TENM1: variants seen among roughly 807,000 people sequenced by gnomAD.
TENM1 encodes teneurin transmembrane protein 1, also known as teneurin-1.
Under a neutral mutation model 174.8 loss-of-function variants are expected in TENM1, and 35 were observed. The ratio of observed to expected loss-of-function variants is 0.20; its 90% CI spans 0.15 to 0.27. TENM1 has a LOEUF of 0.27. Ranked by LOEUF, TENM1 falls within the 10% of genes least tolerant of loss-of-function variation. TENM1 has a pLI of 1.00. For missense variants in TENM1, 1,633 were observed against 2,130.1 expected (o/e 0.77, Z 4.59); for synonymous variants, 781 against 798.7 (o/e 0.98, Z 0.37).
chrX:124,482,958 T>C (rs1453079169), intron 21 of TENM1, among the ~76,000 whole-genome samples: 3 of 112,357 alleles, frequency 2.7e-5, no homozygotes, highest in Non-Finnish European at 5.6e-5. Context: ...AAACTAACTT[T>C]CAGAAACATT....
the TENM1 span, among the ~76,000 whole-genome samples, chrX:125,046,954 A>G: frequency 2.7e-5 from 3 of 109,947 alleles, no homozygotes; most frequent in Admixed American, 3.0e-4. Context: ...CCCAAGCACC[A>G]TTTAATAGAA....
intron 5 of TENM1, among the ~76,000 whole-genome samples, chrX:124,702,522 T>C (rs73545948): frequency 0.024 from 2,708 of 112,505 alleles, 83 homozygotes; most frequent in African/African-American, 0.084. Flanking sequence ...CCAATCTTAG[T>C]GGCACTCACC....
intron 4 of TENM1, among the ~76,000 whole-genome samples, chrX:124,729,678 A>G (rs1457463119): frequency 3.6e-5 from 4 of 112,219 alleles, no homozygotes; most frequent in African/African-American, 9.7e-5. Flanking sequence ...CCAATCCCCA[A>G]TGTACTGGGT....
intron 1 of TENM1, among the ~76,000 whole-genome samples, chrX:124,900,947 A>T (rs889034657): frequency 9.1e-6 from 1 of 109,943 alleles, no homozygotes; most frequent in Non-Finnish European, 1.9e-5. Context: ...GCCTGCCACC[A>T]TGCCCAGCTA....
intron 11 of TENM1, among the ~76,000 whole-genome samples, chrX:124,587,613 C>A (rs1420942608): frequency 9.0e-5 from 10 of 111,061 alleles, no homozygotes; most frequent in Non-Finnish European, 1.7e-4. Context: ...CATTACCATT[C>A]AGGACATAGG....
chrX:124,794,880 C>T (rs992334985), intron 3 of TENM1, among the ~76,000 whole-genome samples: 2 of 111,143 alleles, frequency 1.8e-5, no homozygotes, highest in African/African-American at 6.5e-5. Context: ...CATCTTCTTC[C>T]ACCACAGGCC....
chrX:124,504,578 C>G (rs776755952), intron 18 of TENM1, among the ~76,000 whole-genome samples: 2 of 111,583 alleles, frequency 1.8e-5, no homozygotes, highest in African/African-American at 6.5e-5. Context: ...TCATAATGTT[C>G]TAAGCCTGAG....
chrX:124,709,394 G>A (rs755444209), intron 4 of TENM1, among the ~76,000 whole-genome samples: 15 of 110,540 alleles, frequency 1.4e-4, no homozygotes, highest in Non-Finnish European at 2.6e-4. Context: ...GGCCTGTTGA[G>A]GCATAGAATA....
intron 3 of TENM1, among the ~76,000 whole-genome samples, chrX:124,761,400 G>A (rs2054410459): frequency 9.1e-6 from 1 of 109,332 alleles, no homozygotes; most frequent in Non-Finnish European, 1.9e-5. Flanking sequence ...GTAGGGACAT[G>A]GATGAAGCTG....
chrX:124,469,380 A>AC (rs2061275519), intron 22 of TENM1, among the ~76,000 whole-genome samples: 1 of 111,708 alleles, frequency 9.0e-6, no homozygotes, highest in African/African-American at 3.3e-5. Context: ...TCCTCTATAA[A>AC]CCCATAATGA....
chrX:124,473,651 G>A (rs2061358760), intron 22 of TENM1, among the ~76,000 whole-genome samples: 1 of 111,022 alleles, frequency 9.0e-6, no homozygotes, highest in Admixed American at 9.6e-5. Flanking sequence ...GCTACCTTCA[G>A]TGGTTCCCAC....
chrX:125,193,930 A>G, the TENM1 span, among the ~76,000 whole-genome samples: 2 of 110,596 alleles, frequency 1.8e-5, no homozygotes, highest in African/African-American at 6.6e-5. Context: ...GACTAAAGAG[A>G]TGTACCACCA....
intron 3 of TENM1, among the ~76,000 whole-genome samples, chrX:124,790,392 T>C (rs2055152496): frequency 8.9e-6 from 1 of 112,514 alleles, no homozygotes; most frequent in Middle Eastern, 4.6e-3. Context: ...ATTCTCCTAC[T>C]TTTTCTAACA....
intron 11 of TENM1, among the ~76,000 whole-genome samples, chrX:124,638,879 C>T (rs1244137099): frequency 9.0e-6 from 1 of 111,354 alleles, no homozygotes; most frequent in Non-Finnish European, 1.9e-5. Flanking sequence ...TCATCCAAAG[C>T]AGTTACCCTG....
intron 23 of TENM1, among the ~76,000 whole-genome samples, chrX:124,444,548 G>A (rs991381302): frequency 7.2e-5 from 8 of 111,841 alleles, no homozygotes; most frequent in Admixed American, 5.7e-4. Context: ...AATAAAGAAG[G>A]TTCTGGGACA....
chrX:124,394,210 C>A lies in TENM1; in HGVS notation c.5392-1862G>T, dbSNP rs1260360487. 6.3e-5 allele frequency among the ~76,000 whole-genome samples: 7 copies of A among 111,884 alleles called. No individual in the cohort carries two copies. The Admixed American group carries it at 6.6e-4, about 11-fold the overall frequency. On this transcript the variant is annotated intron_variant, in intron 27 of 31. Transcript: ENST00000422452. ...CACATTAGGATTTGACTACATTAATCATAGTCAGATTAAACTGATTCACTA... is the reference window on the plus strand; with the variant it reads ...CACATTAGGATTTGACTACATTAATAATAGTCAGATTAAACTGATTCACTA...
intron 1 of TENM1, among the ~76,000 whole-genome samples, chrX:124,946,038 G>C (rs967507778): frequency 3.6e-5 from 4 of 111,987 alleles, no homozygotes; most frequent in Admixed American, 1.9e-4. Context: ...GTCCCATGAT[G>C]TGTTAACCCT....
chrX:124,671,938 T>G (rs748340368), intron 5 of TENM1, 103 bp from the exon 9 acceptor site: 1 of 885,122 alleles, frequency 1.1e-6, no homozygotes, highest in Admixed American at 2.7e-5. Context: ...CAGTTTTCTT[T>G]TAGTTAGGCC....
chrX:124,900,723 T>A lies in TENM1; in HGVS notation c.218-4482A>T, dbSNP rs183456370. Reference sequence around the variant, plus strand: ...TAGTCAAAATGTCATCTTGCTTATATCTAAGCCAAGAGGCCATGAAGACTA... The same window carrying A: ...TAGTCAAAATGTCATCTTGCTTATAACTAAGCCAAGAGGCCATGAAGACTA... On this transcript the variant is annotated intron_variant, in intron 1 of 31. Transcript: ENST00000422452. Among the ~76,000 whole-genome samples the A allele has an allele frequency of 4.5e-5, 5 of 110,897 alleles. No homozygotes were observed. The East Asian group carries it at 1.4e-3, about 31-fold the overall frequency.
Sources: allele counts gnomAD v4.1 joint callset (sites outside exome capture counted in the v4.1 genomes callset), GRCh38; gene constraint gnomAD v4.1.1; transcripts MANE v1.5; gene names NCBI Gene and HGNC (gene_info 2026-07-23, HGNC 2026-07-21).